The following DLG2 variants were observed in gnomAD, a reference collection of about 807,000 sequenced individuals.
DLG2 encodes discs large MAGUK scaffold protein 2.
Under a neutral mutation model 132.5 loss-of-function variants are expected in DLG2, and 45 were observed. That is an observed-to-expected ratio of 0.34 (90% confidence interval 0.27 to 0.44). DLG2 has a LOEUF of 0.44. DLG2 is among the 20% of genes least tolerant of loss of function. The probability of loss-of-function intolerance (pLI) is 1.00; values close to 1 mark genes in which losing one functional copy is unlikely to be tolerated. For missense variants in DLG2, 1,045 were observed against 1,196.9 expected (o/e 0.87, Z 1.87); for synonymous variants, 424 against 419.6 (o/e 1.01, Z -0.13).
intron 7 of DLG2, among the ~76,000 whole-genome samples, chr11:84,478,127 T>A (rs548884757): frequency 6.6e-6 from 1 of 152,178 alleles, no homozygotes; most frequent in African/African-American, 2.4e-5. Context: ...GGTTAATAGA[T>A]GCACACTGTT....
At chr11:85,015,627 A>C (rs1189766974) in intron 6 of DLG2, among the ~76,000 whole-genome samples, 16 of 152,154 alleles carry the variant, frequency 1.1e-4, no homozygotes, top group Admixed American at 1.0e-3. Flanking sequence ...AAAAGAACAC[A>C]ATTTACAGAT....
At chr11:84,175,777 T>C (rs986363057) in intron 8 of DLG2, among the ~76,000 whole-genome samples, 5 of 152,084 alleles carry the variant, frequency 3.3e-5, no homozygotes, top group Non-Finnish European at 7.4e-5. Context: ...TTTGGAAAAA[T>C]GCTTCGGGCT....
intron 18 of DLG2, among the ~76,000 whole-genome samples, chr11:83,658,422 CAA>C (rs999517674): frequency 6.6e-6 from 1 of 152,174 alleles, no homozygotes; most frequent in African/African-American, 2.4e-5. Flanking sequence ...CAACTGTCAG[CAA>C]AGAGATCAAA....
chr11:85,577,830 C>T (rs914168449), intron 3 of DLG2, among the ~76,000 whole-genome samples: 4 of 152,082 alleles, frequency 2.6e-5, no homozygotes, highest in Non-Finnish European at 4.4e-5. Flanking sequence ...GCAACTTATA[C>T]ATTCAATGGT....
intron 3 of DLG2, among the ~76,000 whole-genome samples, chr11:85,351,034 T>G (rs562490612): frequency 2.0e-5 from 3 of 152,330 alleles, no homozygotes; most frequent in East Asian, 3.9e-4. Flanking sequence ...ATTCTTCCTA[T>G]CCATGAGGAT....
intron 18 of DLG2, among the ~76,000 whole-genome samples, chr11:83,703,586 T>C (rs540590540): frequency 5.3e-5 from 8 of 152,210 alleles, no homozygotes; most frequent in Admixed American, 6.5e-5. Context: ...GAGGCAGAGG[T>C]TGCAGTGAGC....
intron 6 of DLG2, among the ~76,000 whole-genome samples, chr11:85,052,267 T>A (rs1202573097): frequency 6.6e-6 from 1 of 152,166 alleles, no homozygotes; most frequent in African/African-American, 2.4e-5. Context: ...CGTTGGGAGT[T>A]CATAGTCTAT....
chr11:83,641,009 T>C (rs768781768), intron 18 of DLG2, among the ~76,000 whole-genome samples: 3 of 152,160 alleles, frequency 2.0e-5, no homozygotes, highest in Non-Finnish European at 2.9e-5. Flanking sequence ...TTGTAAAATA[T>C]AGAAATCATC....
At chr11:83,973,341 C>T (rs1455347221) in intron 12 of DLG2, among the ~76,000 whole-genome samples, 1 of 151,894 alleles carries the variant, frequency 6.6e-6, no homozygotes, top group East Asian at 1.9e-4. Context: ...AAAAAGAGTG[C>T]AATAGGAGGT....
intron 8 of DLG2, among the ~76,000 whole-genome samples, chr11:84,227,759 C>T (rs1261788829): frequency 4.0e-5 from 6 of 151,884 alleles, no homozygotes; most frequent in Non-Finnish European, 4.4e-5. Context: ...ACTAAAAATA[C>T]AAAAATTAGC....
At chr11:83,634,785 T>C (rs1190403006) in intron 18 of DLG2, among the ~76,000 whole-genome samples, 1 of 152,112 alleles carries the variant, frequency 6.6e-6, no homozygotes, top group Non-Finnish European at 1.5e-5. Flanking sequence ...TTTTCAGCAA[T>C]AAATAGATAA....
chr11:84,521,019 GAGATGTAA>G (rs1326183923), intron 7 of DLG2, among the ~76,000 whole-genome samples: 10 of 152,154 alleles, frequency 6.6e-5, no homozygotes, highest in Admixed American at 6.5e-4. Flanking sequence ...ATTAGTCTTT[GAGATGTAA>G]ATCATTTACA....
chr11:84,776,908 T>A (rs2070638319), intron 6 of DLG2, among the ~76,000 whole-genome samples: 1 of 152,256 alleles, frequency 6.6e-6, no homozygotes, highest in East Asian at 1.9e-4. Context: ...TTTTTATTTG[T>A]ATAAATTACT....
chr11:84,868,746 T>G (rs1023474146), intron 6 of DLG2, among the ~76,000 whole-genome samples: 4 of 151,996 alleles, frequency 2.6e-5, no homozygotes, highest in African/African-American at 9.7e-5. Flanking sequence ...CTCAGCGACG[T>G]TGCCAATATC....
At chr11:84,000,217 T>C (rs1372791368) in intron 11 of DLG2, among the ~76,000 whole-genome samples, 6 of 152,054 alleles carry the variant, frequency 3.9e-5, no homozygotes, top group Non-Finnish European at 7.4e-5. Flanking sequence ...GACAAATTCA[T>C]TGAATATATC....
chr11:84,559,699 C>G lies in DLG2; in HGVS notation c.358-24968G>C, dbSNP rs1592350254. Among the ~76,000 whole-genome samples, 3 of 152,268 alleles carry G rather than the reference C, an allele frequency of 2.0e-5. 1 individual carries two copies. The South Asian group carries it at 6.2e-4, about 32-fold the overall frequency. ...TAGGCACCATATGCTGCACTATAAT[C>G]TGAACTTGCTAACTGTGTCTCTTCG... On this transcript the variant is annotated intron_variant, in intron 6 of 27. Coordinates refer to ENST00000376104, the MANE Select transcript of DLG2 (RefSeq NM_001142699.3).
At chr11:84,903,183 G>C (rs2091107193) in intron 6 of DLG2, among the ~76,000 whole-genome samples, 1 of 152,066 alleles carries the variant, frequency 6.6e-6, no homozygotes, top group African/African-American at 2.4e-5. Context: ...ACATACAAGA[G>C]AATGAATTCT....
intron 5 of DLG2, among the ~76,000 whole-genome samples, chr11:85,154,157 A>C (rs1165746096): frequency 1.3e-5 from 2 of 151,150 alleles, no homozygotes; most frequent in Non-Finnish European, 3.0e-5. Context: ...AAAAAAAAAA[A>C]AAAACAGTCT....
intron 17 of DLG2, among the ~76,000 whole-genome samples, chr11:83,802,609 A>G (rs1454918697): frequency 2.0e-5 from 3 of 152,150 alleles, no homozygotes; most frequent in Non-Finnish European, 4.4e-5. Flanking sequence ...TCTACTGTTA[A>G]AACACTATCA....
Sources: gnomAD v4.1 joint callset for allele counts (sites outside exome capture counted in the v4.1 genomes callset) on GRCh38, gnomAD v4.1.1 for gene constraint, MANE v1.5 for transcripts, NCBI Gene and HGNC (gene_info 2026-07-23, HGNC 2026-07-21) for gene names.